UST: variants seen among roughly 807,000 people sequenced by gnomAD.
The protein encoded by UST is chondroitin sulfate 2-O-sulfotransferase.
A neutral mutation model predicts 45.6 loss-of-function variants in UST; 21 were observed. That is an observed-to-expected ratio of 0.46 (90% CI 0.33 to 0.66). The LOEUF is 0.66. UST is among the 30% of genes least tolerant of loss of function. The pLI, the probability that UST is intolerant of heterozygous loss-of-function variation, is 0.02. For missense variants in UST, 463 were observed against 512.4 expected (o/e 0.90, Z 0.93); for synonymous variants, 215 against 200.6 (o/e 1.07, Z -0.61).
At chr6:148,756,041 G>C (rs978320126) in intron 1 of UST, among the ~76,000 whole-genome samples, 2 of 131,016 alleles carry the variant, frequency 1.5e-5, no homozygotes, top group African/African-American at 3.0e-5. Context: ...GGTGTGTGAT[G>C]TTCCCCTTCC....
intron 2 of UST, among the ~76,000 whole-genome samples, chr6:148,919,444 G>GTGTGTGTGTA (rs4047184): frequency 0.023 from 3,431 of 147,554 alleles, 133 homozygotes; most frequent in African/African-American, 0.082. Flanking sequence ...GTGTGTGTGT[G>GTGTGTGTGTA]TACACTTCTG....
At chr6:148,928,050 T>G (rs1779850369) in intron 2 of UST, among the ~76,000 whole-genome samples, 1 of 152,130 alleles carries the variant, frequency 6.6e-6, no homozygotes, top group Non-Finnish European at 1.5e-5. Flanking sequence ...GATGAGCTCC[T>G]GCACTACAAT....
At chr6:149,034,318 G>A (rs565319948) in intron 7 of UST, among the ~76,000 whole-genome samples, 1 of 152,284 alleles carries the variant, frequency 6.6e-6, no homozygotes, top group Admixed American at 6.5e-5. Context: ...TAGATCTGCC[G>A]CATTCAGTAT....
At chr6:148,830,227 C>T (rs1177249941) in intron 1 of UST, among the ~76,000 whole-genome samples, 2 of 152,234 alleles carry the variant, frequency 1.3e-5, no homozygotes, top group African/African-American at 4.8e-5. Context: ...ACCACACCCA[C>T]CAATTTCTTG....
intron 2 of UST, among the ~76,000 whole-genome samples, chr6:148,910,821 G>A (rs1180855617): frequency 6.6e-6 from 1 of 152,172 alleles, no homozygotes; most frequent in Non-Finnish European, 1.5e-5. Flanking sequence ...CACAGGAACT[G>A]CCCATTTCCA....
At chr6:148,954,670 C>T (rs1180817905) in intron 4 of UST, among the ~76,000 whole-genome samples, 1 of 152,170 alleles carries the variant, frequency 6.6e-6, no homozygotes, top group Non-Finnish European at 1.5e-5. Context: ...ACCACGAAAT[C>T]ACCTAATGAT....
At chr6:149,016,041 G>A (rs1345061088) in intron 5 of UST, among the ~76,000 whole-genome samples, 1 of 152,190 alleles carries the variant, frequency 6.6e-6, no homozygotes, top group African/African-American at 2.4e-5. Flanking sequence ...GCAGCTCCAT[G>A]CCTGGGGCTT....
At chr6:148,888,861 A>C (rs1778959368) in intron 2 of UST, among the ~76,000 whole-genome samples, 1 of 152,186 alleles carries the variant, frequency 6.6e-6, no homozygotes, top group Non-Finnish European at 1.5e-5. Flanking sequence ...GGAGCAAAGG[A>C]ATATAGAGGA....
At chr6:148,839,380 T>A (rs1350448995) in intron 1 of UST, among the ~76,000 whole-genome samples, 1 of 152,212 alleles carries the variant, frequency 6.6e-6, no homozygotes, top group Non-Finnish European at 1.5e-5. Context: ...CTTTCACCCT[T>A]TTCTGTCTCT....
chr6:148,769,698 G>A (rs1282673909), intron 1 of UST, among the ~76,000 whole-genome samples: 3 of 152,080 alleles, frequency 2.0e-5, no homozygotes, highest in Non-Finnish European at 2.9e-5. Flanking sequence ...TCATTCAGAA[G>A]CCTGAGCACA....
At chr6:148,766,005 T>C (rs1776315017) in intron 1 of UST, among the ~76,000 whole-genome samples, 1 of 152,236 alleles carries the variant, frequency 6.6e-6, no homozygotes, top group South Asian at 2.1e-4. Flanking sequence ...TGGCTTTTAT[T>C]ATTTTGAGGT....
intron 3 of UST, among the ~76,000 whole-genome samples, chr6:148,945,976 T>A (rs1419824816): frequency 6.6e-6 from 1 of 152,170 alleles, no homozygotes; most frequent in African/African-American, 2.4e-5. Flanking sequence ...GAGAGAGAGA[T>A]CCTATGCCCA....
At chr6:149,027,011 T>C (rs2115022892) in intron 7 of UST, among the ~76,000 whole-genome samples, 1 of 152,310 alleles carries the variant, frequency 6.6e-6, no homozygotes, top group South Asian at 2.1e-4. Flanking sequence ...GTGCTTTGTT[T>C]GGAATATTTA....
intron 1 of UST, among the ~76,000 whole-genome samples, chr6:148,800,732 T>C (rs960034579): frequency 6.6e-6 from 1 of 152,008 alleles, no homozygotes; most frequent in Non-Finnish European, 1.5e-5. Flanking sequence ...ACCCACCCTC[T>C]TTTTGATTAT....
chr6:149,009,781 G>T (rs532721713), intron 5 of UST, among the ~76,000 whole-genome samples: 1 of 151,652 alleles, frequency 6.6e-6, no homozygotes, highest in South Asian at 2.1e-4. Flanking sequence ...AGGCAGAGAG[G>T]CATAGAACAA....
At chr6:148,983,174 C>T (rs913366799) in intron 5 of UST, among the ~76,000 whole-genome samples, 13 of 152,210 alleles carry the variant, frequency 8.5e-5, no homozygotes, top group Admixed American at 4.6e-4. Flanking sequence ...TTAAGTCAAC[C>T]GTCTTCCAAG....
intron 7 of UST, among the ~76,000 whole-genome samples, chr6:149,045,075 A>G (rs1249740165): frequency 1.3e-5 from 2 of 152,206 alleles, no homozygotes; most frequent in Non-Finnish European, 2.9e-5. Flanking sequence ...CACTGCTTTT[A>G]TAATCTAGTC....
At chr6:149,053,089 A>G (rs1284924080) in intron 7 of UST, among the ~76,000 whole-genome samples, 1 of 152,210 alleles carries the variant, frequency 6.6e-6, no homozygotes, top group African/African-American at 2.4e-5. Context: ...ATCATATAGA[A>G]CAAAACTTGA....
chr6:148,764,653 C>T (rs1776286104), intron 1 of UST, among the ~76,000 whole-genome samples: 1 of 152,062 alleles, frequency 6.6e-6, no homozygotes, highest in Non-Finnish European at 1.5e-5. Context: ...CATGATGCCC[C>T]CTGAGCTGTA....
Sources: allele counts gnomAD v4.1 joint callset (sites outside exome capture counted in the v4.1 genomes callset), GRCh38; gene constraint gnomAD v4.1.1; transcripts MANE v1.5; gene names NCBI Gene and HGNC (gene_info 2026-07-23, HGNC 2026-07-21).